Variants in ANKRD30A observed in about 807,000 individuals in gnomAD.
The protein encoded by ANKRD30A is ankyrin repeat domain 30A.
A neutral mutation model predicts 166.3 loss-of-function variants in ANKRD30A; 170 were observed. That is an observed-to-expected ratio of 1.02 (90% CI 0.90 to 1.16). The LOEUF is 1.16. ANKRD30A is among the 50% of genes most tolerant of loss of function. The pLI is 0.00. For synonymous variants in ANKRD30A, 564 were observed against 508.9 expected (o/e 1.11, Z -1.46); for missense variants, 1,630 against 1,518.0 (o/e 1.07, Z -1.23).
At chr10:37,253,483 A>G in the ANKRD30A span, among the ~76,000 whole-genome samples, 1 of 152,156 alleles carries the variant, frequency 6.6e-6, no homozygotes, top group Non-Finnish European at 1.5e-5. Flanking sequence ...ATATTCATTA[A>G]CCATCACTCT....
At chr10:37,179,707 A>G (rs1173403560) in intron 24 of ANKRD30A, among the ~76,000 whole-genome samples, 1 of 140,190 alleles carries the variant, frequency 7.1e-6, no homozygotes, top group Non-Finnish European at 1.6e-5. Flanking sequence ...TTGTAATGCA[A>G]TGATATAAAT....
At chr10:37,163,013 A>C (rs1839054123) in intron 17 of ANKRD30A, among the ~76,000 whole-genome samples, 165 bp downstream of exon 17, 1 of 152,196 alleles carries the variant, frequency 6.6e-6, no homozygotes, top group African/African-American at 2.4e-5. Flanking sequence ...TTACAAGCAC[A>C]GTAATTTTCA....
chr10:37,139,582 CATA>C (rs1836960563), intron 6 of ANKRD30A, among the ~76,000 whole-genome samples: 2 of 152,314 alleles, frequency 1.3e-5, no homozygotes, highest in South Asian at 4.1e-4. Context: ...TGCTTTCAGC[CATA>C]ACCATATCTT....
chr10:37,149,465 T>C (rs552085686), intron 9 of ANKRD30A, among the ~76,000 whole-genome samples, 186 bp from the exon 10 acceptor site: 3 of 152,182 alleles, frequency 2.0e-5, no homozygotes, highest in African/African-American at 4.8e-5. Flanking sequence ...AACCTATATT[T>C]ATATTTTCTT....
intron 31 of ANKRD30A, among the ~76,000 whole-genome samples, chr10:37,214,806 TC>T (rs1842519244): frequency 6.6e-6 from 1 of 151,382 alleles, no homozygotes; most frequent in Non-Finnish European, 1.5e-5. Flanking sequence ...TCCAGCCAGA[TC>T]CCAGCCTGGA....
chr10:37,258,067 G>T, the ANKRD30A span, among the ~76,000 whole-genome samples: 1 of 152,060 alleles, frequency 6.6e-6, no homozygotes, highest in Admixed American at 6.6e-5. Context: ...AATCATCATG[G>T]CACATGTATA....
intron 15 of ANKRD30A, among the ~76,000 whole-genome samples, chr10:37,161,586 G>A (rs1838874935): frequency 6.6e-6 from 1 of 152,132 alleles, no homozygotes; most frequent in Non-Finnish European, 1.5e-5. Flanking sequence ...CACTTCAGTT[G>A]CATTTAGATT....
At position 37,158,405 on chromosome 10, in the gene ANKRD30A, A is replaced by T; in HGVS notation, c.1812A>T (p.Lys604Asn). The T allele has an allele frequency of 6.2e-7, 1 of 1,610,636 alleles. No individual in the cohort carries two copies. Among genetic ancestry groups the T allele is most frequent in the South Asian group, 1.1e-5 (1 of 90,856 alleles). The stretch of plus-strand genomic sequence containing the variant: ...CTTTTCTTATAGAGTCTCCTAATAA[A>T]GATGGTCTTCTGAAGGTAATAACTT... ...INGKLEESPN[K>N]DGLLKATCGM... The change falls in exon 14 of 36, where the codon AAA (lysine) becomes AAT (asparagine). Residue 604 changes from lysine (K) to asparagine (N), a missense_variant. Lys to Asn is a moderately conservative substitution (Grantham distance 94, BLOSUM62 0). This residue lies in a region of ANKRD30A where 904 missense variants were observed against 818.5 expected (regional missense o/e 1.10). Coordinates refer to ENST00000361713, the MANE Select transcript of ANKRD30A (RefSeq NM_052997.3).
Position 37,129,892 on chromosome 10 carries a change from G to T in ANKRD30A, c.222-1G>T. 2.7e-6 allele frequency: 4 copies of T among 1,481,626 alleles called. No homozygotes were observed. The highest frequency in any genetic ancestry group is 3.6e-6 in the Non-Finnish European group (4 of 1,110,814). The allele number at this position is 1,481,626 out of a possible 1,614,324, so 91.8% of individuals were successfully genotyped here. ...GCCAAAAAGTCCTCTCACTCTCGTA[G>T]GACTGCTCTACACTGGGCCTGTGTC... On this transcript the variant is annotated splice_acceptor_variant, in intron 1 of 35. Transcript: ENST00000361713. LOFTEE classifies it high-confidence loss of function.
chr10:37,146,577 G>A lies in ANKRD30A; in HGVS notation c.1456-793G>A, dbSNP rs183537420. Among the ~76,000 whole-genome samples, 18 of 152,280 alleles carry A rather than the reference G, an allele frequency of 1.2e-4. No individual in the cohort carries two copies. The East Asian group carries it at 1.4e-3, about 11-fold the overall frequency. On this transcript the variant is annotated intron_variant, in intron 8 of 35. Transcript: ENST00000361713. The stretch of plus-strand genomic sequence containing the variant: ...CTTCTCTGCCAGTCCAGCTGAGGGC[G>A]TCTGAGTGGCTTACAGACTCCCTGT...
rs534882343 is a variant in ANKRD30A, at chr10:37,222,677, A to G, written c.4185+2780A>G. ...TCTGCCTTCCTCATGCTGTTCCTCC[A>G]TTTTCAGTTTTTGTTCATCTATCCT... On this transcript the variant is annotated intron_variant, in intron 34 of 35. Transcript: ENST00000361713. 2.0e-5 allele frequency among the ~76,000 whole-genome samples: 3 copies of G among 151,062 alleles called. No individual in the cohort carries two copies. In the East Asian group the frequency reaches 5.9e-4, roughly 30 times the overall value.
chr10:37,144,329 T>C (rs747653618), intron 7 of ANKRD30A, among the ~76,000 whole-genome samples: 1 of 152,188 alleles, frequency 6.6e-6, no homozygotes, highest in African/African-American at 2.4e-5. Flanking sequence ...TCCTATAAAT[T>C]TTTAATGTTT....
At chr10:37,220,482 T>G (rs1478749192) in intron 34 of ANKRD30A, among the ~76,000 whole-genome samples, 2 of 151,322 alleles carry the variant, frequency 1.3e-5, no homozygotes, top group East Asian at 3.9e-4. Context: ...TCAATTTGAC[T>G]TAAATCTGAA....
Position 37,217,812 on chromosome 10 carries a change from A to G in ANKRD30A, c.3201A>G (p.Gln1067=). ...ATAGGAAAGAGTTAGAAGTGAAACA[A>G]CAACTTGAACAGGCTCTCAGAATAC... is the stretch of plus-strand genomic sequence containing the variant. ...EQHRKELEVK[Q]QLEQALRIQD... Residue 1067 remains glutamine, a synonymous_variant, in exon 33 of 36, where the codon CAA becomes CAG. Transcript: ENST00000361713. The G allele has an allele frequency of 1.2e-6, 2 of 1,600,934 alleles. No individual in the cohort carries two copies. Among genetic ancestry groups the G allele is most frequent in the Non-Finnish European group, 1.7e-6 (2 of 1,172,938 alleles).
intron 25 of ANKRD30A, among the ~76,000 whole-genome samples, chr10:37,191,901 A>C (rs1365789972): frequency 2.0e-5 from 3 of 152,058 alleles, no homozygotes; most frequent in African/African-American, 7.3e-5. Flanking sequence ...AGGCTGAGAC[A>C]AAAGAATGGC....
intron 34 of ANKRD30A, among the ~76,000 whole-genome samples, chr10:37,229,452 A>G (rs1365674783): frequency 6.6e-6 from 1 of 152,014 alleles, no homozygotes; most frequent in African/African-American, 2.4e-5. Flanking sequence ...TCAAATCAAG[A>G]TAACTAATAT....
chr10:37,179,237 A>G (rs183542201), intron 24 of ANKRD30A, among the ~76,000 whole-genome samples: 546 of 150,710 alleles, frequency 3.6e-3, no homozygotes, highest in African/African-American at 0.013. Context: ...TTTGAAAACC[A>G]TAAAACTCTG....
downstream of ANKRD30A, chr10:37,232,570 G>A (rs1365517162): frequency 6.9e-6 from 1 of 145,448 alleles, no homozygotes; most frequent in African/African-American, 2.5e-5. Context: ...CCAACCAGGT[G>A]ATTTTACTCA....
chr10:37,263,501 C>A, the ANKRD30A span, among the ~76,000 whole-genome samples: 1 of 151,458 alleles, frequency 6.6e-6, no homozygotes, highest in East Asian at 1.9e-4. Flanking sequence ...TAGATAGCCC[C>A]ATCTAGGGGT....
Sources: allele counts gnomAD v4.1 joint callset (sites outside exome capture counted in the v4.1 genomes callset), GRCh38; gene constraint gnomAD v4.1.1; regional missense constraint gnomAD v4.1.1; transcripts MANE v1.5; gene names NCBI Gene and HGNC (gene_info 2026-07-23, HGNC 2026-07-21).